SNAPC3: variants seen among roughly 807,000 people sequenced by gnomAD.
The protein encoded by SNAPC3 is small nuclear RNA activating complex polypeptide 3, also known as snRNA-activating protein complex subunit 3.
A neutral mutation model predicts 47.7 loss-of-function variants in SNAPC3; 56 were observed. That is an observed-to-expected ratio of 1.18 (90% CI 0.95 to 1.47). SNAPC3 has a LOEUF of 1.47. Among genes scored for constraint, SNAPC3 ranks in the 40% most tolerant of loss-of-function variants. SNAPC3 has a pLI of 0.00. For synonymous variants in SNAPC3, 235 were observed against 189.9 expected, an observed-to-expected ratio of 1.24 and a Z score of -1.95; for missense variants, 665 against 511.3, an observed-to-expected ratio of 1.30 and a Z score of -2.90.
At chr9:15,428,061 A>G (rs910002832) in intron 2 of SNAPC3, among the ~76,000 whole-genome samples, 2 of 141,564 alleles carry the variant, frequency 1.4e-5, no homozygotes, top group Non-Finnish European at 3.0e-5. Context: ...CAGTGAGCTG[A>G]GATCGCGCCA....
intron 4 of SNAPC3, among the ~76,000 whole-genome samples, chr9:15,446,183 G>A (rs761582942): frequency 3.5e-4 from 53 of 152,264 alleles, no homozygotes; most frequent in Admixed American, 9.8e-4. Flanking sequence ...AAATTTCCAT[G>A]GCTGAGTATG....
At chr9:15,438,441 T>A (rs2033023932) in intron 3 of SNAPC3, among the ~76,000 whole-genome samples, 1 of 152,132 alleles carries the variant, frequency 6.6e-6, no homozygotes, top group South Asian at 2.1e-4. Flanking sequence ...TATTGATTTT[T>A]CTGTATTTTC....
In SNAPC3 at chr9:15,460,085, A is replaced by C. The variant is rs2035091729; in HGVS notation, c.*219A>C. ...ATTTATTCCAGATAGTATTTAATTT[A>C]GTGCTTTTTACCCATTTTGAGTTGA... On this transcript the variant is annotated 3_prime_UTR_variant, in exon 9 of 9. Coordinates refer to ENST00000380821, the MANE Select transcript of SNAPC3 (RefSeq NM_001039697.2). 5.5e-6 allele frequency: 2 copies of C among 362,682 alleles called. No homozygotes were observed. Among genetic ancestry groups the C allele is most frequent in the Non-Finnish European group, 9.7e-6 (2 of 205,626 alleles). The allele number at this position is 362,682 out of a possible 1,614,324, so 22.5% of individuals were successfully genotyped here.
intron 3 of SNAPC3, 75 bp from the exon 4 acceptor site, chr9:15,444,527 T>C: frequency 2.2e-6 from 2 of 895,890 alleles, no homozygotes; most frequent in South Asian, 3.0e-5. Context: ...GATCCCTTGC[T>C]GATAGCCATT....
At chr9:15,450,933 G>T (rs2034339123) in intron 5 of SNAPC3, among the ~76,000 whole-genome samples, 1 of 152,078 alleles carries the variant, frequency 6.6e-6, no homozygotes, top group Non-Finnish European at 1.5e-5. Context: ...TATAAAGAGA[G>T]AATTTTTGTA....
chr9:15,449,908 C>G (rs1220338945), intron 5 of SNAPC3, among the ~76,000 whole-genome samples: 2 of 151,900 alleles, frequency 1.3e-5, no homozygotes, highest in African/African-American at 2.4e-5. Flanking sequence ...CATTTTTGTT[C>G]TTTTAGAGTT....
In SNAPC3 at chr9:15,444,659, G is replaced by T; in HGVS notation, c.535G>T (p.Glu179Ter). 1.9e-6 allele frequency: 3 copies of T among 1,612,644 alleles called. No homozygotes were observed. Among genetic ancestry groups the T allele is most frequent in the Non-Finnish European group, 2.5e-6 (3 of 1,178,686 alleles). ...ENSADMIEEG[E>*]LILSVNILYP... ...TTCAGCAGACATGATTGAAGAAGGG[G>T]AGCTTATCCTATCTGTGAATATCTT... Residue 179 changes from glutamate (E) to a stop codon, truncating the protein, a stop_gained, in exon 4 of 9, where the codon GAG (glutamate) becomes TAG (stop). Transcript: ENST00000380821. LOFTEE classifies it high-confidence loss of function.
At chr9:15,455,537 A>G (rs896712089) in intron 7 of SNAPC3, among the ~76,000 whole-genome samples, 1 of 152,186 alleles carries the variant, frequency 6.6e-6, no homozygotes, top group South Asian at 2.1e-4. Flanking sequence ...ATTGCACTCC[A>G]TCCTGGGTGA....
chr9:15,450,838 T>C (rs1480924520), intron 5 of SNAPC3, among the ~76,000 whole-genome samples: 3 of 152,214 alleles, frequency 2.0e-5, no homozygotes, highest in Non-Finnish European at 4.4e-5. Context: ...TTCCAACCAG[T>C]TGTGGTACAA....
chr9:15,426,755 C>T (rs192624532), intron 2 of SNAPC3, among the ~76,000 whole-genome samples: 5 of 152,286 alleles, frequency 3.3e-5, no homozygotes, highest in Admixed American at 2.0e-4. Flanking sequence ...ACTACTAGGT[C>T]AACTAGATCT....
At chr9:15,424,071 T>C in intron 2 of SNAPC3, 85 bp downstream of exon 2, 2 of 714,806 alleles carry the variant, frequency 2.8e-6, no homozygotes, top group Non-Finnish European at 4.6e-6. Context: ...GCAGTATTGA[T>C]TGTTGTCTGT....
At chr9:15,452,820 G>T (rs2034491570) in intron 6 of SNAPC3, among the ~76,000 whole-genome samples, 2 of 152,178 alleles carry the variant, frequency 1.3e-5, no homozygotes, top group South Asian at 4.1e-4. Flanking sequence ...TTAAGCTAAA[G>T]TGATGCACAT....
intron 7 of SNAPC3, among the ~76,000 whole-genome samples, chr9:15,455,050 A>T (rs1381137405): frequency 6.6e-6 from 1 of 152,226 alleles, no homozygotes; most frequent in Non-Finnish European, 1.5e-5. Context: ...AGGTAGAAGT[A>T]GCAGTAATTC....
chr9:15,466,468 C>T (rs1033701374), downstream of SNAPC3, among the ~76,000 whole-genome samples: 1 of 152,212 alleles, frequency 6.6e-6, no homozygotes, highest in Non-Finnish European at 1.5e-5. Flanking sequence ...GAATGCAAGT[C>T]ATTACTAACA....
chr9:15,426,052 T>TCTCCATGTTGGTCAGG (rs1473778698), intron 2 of SNAPC3, among the ~76,000 whole-genome samples: 2 of 152,152 alleles, frequency 1.3e-5, no homozygotes, highest in Non-Finnish European at 1.5e-5. Context: ...GGACGGAGTT[T>TCTCCATGTTGGTCAGG]CTCCATGTTG....
chr9:15,450,733 G>A (rs1430029114), intron 5 of SNAPC3, among the ~76,000 whole-genome samples: 2 of 152,182 alleles, frequency 1.3e-5, no homozygotes, highest in Non-Finnish European at 2.9e-5. Flanking sequence ...GTTGACACTT[G>A]TGTTTGGTGT....
At chr9:15,441,050 T>C (rs2033303899) in intron 3 of SNAPC3, among the ~76,000 whole-genome samples, 1 of 152,084 alleles carries the variant, frequency 6.6e-6, no homozygotes, top group African/African-American at 2.4e-5. Flanking sequence ...CTCCTGTTAA[T>C]CTTATTGAGG....
chr9:15,464,396 A>C (rs904677033), downstream of SNAPC3: 7 of 196,100 alleles, frequency 3.6e-5, no homozygotes, highest in Non-Finnish European at 7.4e-5. Context: ...TGACCCTAAT[A>C]TTCAAAATAT....
intron 2 of SNAPC3, among the ~76,000 whole-genome samples, chr9:15,426,558 T>C (rs1161453154): frequency 2.6e-5 from 4 of 152,220 alleles, no homozygotes; most frequent in Non-Finnish European, 5.9e-5. Flanking sequence ...TAAATGAAAC[T>C]TTCAGAAGAC....
Sources: gnomAD v4.1 joint callset for allele counts (sites outside exome capture counted in the v4.1 genomes callset) on GRCh38, gnomAD v4.1.1 for gene constraint, MANE v1.5 for transcripts, NCBI Gene and HGNC (gene_info 2026-07-23, HGNC 2026-07-21) for gene names.